ITGA2: variants seen among roughly 807,000 people sequenced by gnomAD.
ITGA2 encodes integrin subunit alpha 2.
A neutral mutation model predicts 146.3 loss-of-function variants in ITGA2; 101 were observed. The ratio of observed to expected loss-of-function variants is 0.69; its 90% CI spans 0.59 to 0.81. ITGA2 has a LOEUF of 0.81. Among genes scored for constraint, ITGA2 ranks in the 40% least tolerant of loss-of-function variants. The pLI, the probability that ITGA2 is intolerant of heterozygous loss-of-function variation, is 0.00. For missense variants in ITGA2, 1,281 were observed against 1,402.7 expected, an observed-to-expected ratio of 0.91 and a Z score of 1.39; for synonymous variants, 477 against 487.1, an observed-to-expected ratio of 0.98 and a Z score of 0.27.
intron 2 of ITGA2, among the ~76,000 whole-genome samples, chr5:53,032,249 T>C (rs1743260730): frequency 6.6e-6 from 1 of 152,216 alleles, no homozygotes; most frequent in African/African-American, 2.4e-5. Flanking sequence ...GCTCTACATG[T>C]GTTATGAATA....
chr5:53,064,765 A>G (rs1745067531), intron 13 of ITGA2, 147 bp from the exon 14 acceptor site: 1 of 766,738 alleles, frequency 1.3e-6, no homozygotes, highest in South Asian at 1.5e-5. Flanking sequence ...AGCAGGTCTC[A>G]AATACCTGGC....
At chr5:53,036,139 G>C (rs1485239470) in intron 2 of ITGA2, among the ~76,000 whole-genome samples, 1 of 151,888 alleles carries the variant, frequency 6.6e-6, no homozygotes, top group Non-Finnish European at 1.5e-5. Flanking sequence ...TCTAAAACAA[G>C]ACCACCTCTT....
chr5:53,066,827 C>A (rs1017968498), intron 15 of ITGA2, among the ~76,000 whole-genome samples: 1 of 151,656 alleles, frequency 6.6e-6, no homozygotes, highest in Non-Finnish European at 1.5e-5. Context: ...CAGTTAAAAT[C>A]ATTTCAGAGT....
chr5:53,027,295 G>A (rs1742995044), intron 2 of ITGA2, among the ~76,000 whole-genome samples: 1 of 152,078 alleles, frequency 6.6e-6, no homozygotes, highest in African/African-American at 2.4e-5. Context: ...TCTTTAGCAA[G>A]GTTTTGTCTA....
In ITGA2 at chr5:53,045,036, A is replaced by C. The variant is rs1204713443; in HGVS notation, c.331A>C (p.Thr111Pro). ...TSIPNVTEMK[T>P]NMSLGLILTR... ...CATTCCAAATGTTACTGAGATGAAAACCAACATGAGCCTCGGCTTGATCCT... is the reference window on the plus strand; with the variant it reads ...CATTCCAAATGTTACTGAGATGAAACCCAACATGAGCCTCGGCTTGATCCT... Residue 111 changes from threonine to proline, a missense_variant, in exon 4 of 30, where the codon ACC becomes CCC. Around this residue, in one of 3 missense-constraint regions of ITGA2, gnomAD observed 795 missense variants for 841.7 expected, o/e 0.94. Transcript: ENST00000296585. 6.2e-7 allele frequency: 1 copy of C among 1,613,960 alleles called. No individual in the cohort carries two copies. Among genetic ancestry groups the C allele is most frequent in the Non-Finnish European group, 8.5e-7 (1 of 1,179,896 alleles).
At chr5:53,036,645 C>A (rs565920531) in intron 2 of ITGA2, among the ~76,000 whole-genome samples, 13 of 152,156 alleles carry the variant, frequency 8.5e-5, no homozygotes, top group African/African-American at 3.1e-4. Flanking sequence ...CTAACTCCAG[C>A]CTGCTTATTT....
chr5:53,031,261 C>G (rs1348775569), intron 2 of ITGA2, among the ~76,000 whole-genome samples: 1 of 152,226 alleles, frequency 6.6e-6, no homozygotes, highest in Non-Finnish European at 1.5e-5. Context: ...ATTCCTTTAG[C>G]AAATTGCGAG....
At chr5:53,039,685 A>G (rs961197131) in intron 2 of ITGA2, among the ~76,000 whole-genome samples, 10 of 148,684 alleles carry the variant, frequency 6.7e-5, no homozygotes, top group Non-Finnish European at 1.0e-4. Context: ...GGTTGCAGTG[A>G]ACCAAGATGG....
At chr5:53,044,387 G>A (rs937171894) in intron 3 of ITGA2, among the ~76,000 whole-genome samples, 1 of 150,836 alleles carries the variant, frequency 6.6e-6, no homozygotes, top group Non-Finnish European at 1.5e-5. Flanking sequence ...GGCAATGATA[G>A]CTTGGCAGAG....
chr5:53,020,084 G>A (rs908067336), intron 1 of ITGA2, among the ~76,000 whole-genome samples: 1 of 152,170 alleles, frequency 6.6e-6, no homozygotes, highest in Non-Finnish European at 1.5e-5. Flanking sequence ...GAGGATAAGA[G>A]AGAATTAATG....
intron 6 of ITGA2, 87 bp from the exon 7 acceptor site, chr5:53,051,324 T>G (rs914392286): frequency 5.7e-6 from 8 of 1,404,594 alleles, no homozygotes; most frequent in Non-Finnish European, 8.0e-6. Context: ...CATGTCTAAA[T>G]GTACTTTTGA....
chr5:53,003,934 G>GACCAT (rs1483934485), intron 1 of ITGA2, among the ~76,000 whole-genome samples: 3 of 152,056 alleles, frequency 2.0e-5, no homozygotes, highest in African/African-American at 7.2e-5. Flanking sequence ...ACTTTTGAGA[G>GACCAT]ACCATGCGAG....
intron 1 of ITGA2, among the ~76,000 whole-genome samples, chr5:53,020,893 C>CTA (rs1313638009): frequency 6.8e-6 from 1 of 147,562 alleles, no homozygotes; most frequent in Non-Finnish European, 1.5e-5. Context: ...CGGGGTTTCA[C>CTA]TATGTTGGCC....
chr5:53,058,879 A>G (rs749545940), intron 10 of ITGA2, among the ~76,000 whole-genome samples: 3 of 151,926 alleles, frequency 2.0e-5, no homozygotes, highest in Admixed American at 6.6e-5. Context: ...AAATGAATCT[A>G]TGCACGGAGA....
chr5:53,056,260 C>A, intron 9 of ITGA2, 111 bp downstream of exon 9: 1 of 845,494 alleles, frequency 1.2e-6, no homozygotes, highest in Non-Finnish European at 1.9e-6. Context: ...ATAAAAAGAG[C>A]TACTACAATC....
At chr5:53,039,794 A>T (rs1743693795) in intron 2 of ITGA2, among the ~76,000 whole-genome samples, 1 of 151,168 alleles carries the variant, frequency 6.6e-6, no homozygotes, top group African/African-American at 2.4e-5. Context: ...CTTTTCCTTA[A>T]TCAGGAAACT....
intron 1 of ITGA2, among the ~76,000 whole-genome samples, chr5:53,007,515 G>A (rs3756541): frequency 0.25 from 37,086 of 146,930 alleles, 5,407 homozygotes; most frequent in Non-Finnish European, 0.33. Flanking sequence ...GAGAGAGAGA[G>A]AAAAAAAAAA....
In ITGA2 at chr5:53,040,868, C is replaced by T. The variant is rs560584568; in HGVS notation, c.186-1244C>T. ...ATCCTTTGGTGTCCATTTTTGTAAC[C>T]TTGGACCATTTTAATGTTTTTTCTA... On this transcript the variant is annotated intron_variant, in intron 2 of 29. Coordinates refer to ENST00000296585, the MANE Select transcript of ITGA2 (RefSeq NM_002203.4). Among the ~76,000 whole-genome samples, 14 of 152,046 alleles carry T rather than the reference C, an allele frequency of 9.2e-5. No individual in the cohort carries two copies. In the South Asian group the frequency reaches 2.9e-3, roughly 32 times the overall value.
intron 3 of ITGA2, among the ~76,000 whole-genome samples, chr5:53,042,503 A>G (rs777468778): frequency 6.6e-6 from 1 of 152,156 alleles, no homozygotes; most frequent in African/African-American, 2.4e-5. Flanking sequence ...TACTTGCAGA[A>G]TCAAGGCTAT....
Sources: gnomAD v4.1 joint callset for allele counts (sites outside exome capture counted in the v4.1 genomes callset) on GRCh38, gnomAD v4.1.1 for gene constraint, gnomAD v4.1.1 regional missense constraint, MANE v1.5 for transcripts, NCBI Gene and HGNC (gene_info 2026-07-23, HGNC 2026-07-21) for gene names.